The following TEC variants were observed in gnomAD, a reference collection of about 807,000 sequenced individuals.
The protein encoded by TEC is tyrosine-protein kinase Tec.
Under a neutral mutation model 93.0 loss-of-function variants are expected in TEC, and 72 were observed. The ratio of observed to expected loss-of-function variants is 0.77; its 90% confidence interval spans 0.64 to 0.94. The LOEUF is 0.94. Ranked by LOEUF, TEC falls within the 40% of genes least tolerant of loss-of-function variation. The pLI is 0.00. For synonymous variants in TEC, 249 were observed against 247.7 expected (o/e 1.01, Z -0.05); for missense variants, 630 against 757.9 (o/e 0.83, Z 1.98).
chr4:48,176,185 T>C lies in TEC; in HGVS notation c.140A>G (p.Lys47Arg). The C allele has an allele frequency of 6.2e-7, 1 of 1,605,928 alleles. No individual in the cohort carries two copies. Among genetic ancestry groups the C allele is most frequent in the African/African-American group, 1.3e-5 (1 of 74,882 alleles). ...ATCAATAAACCCCTTTCTGTATTTC[T>C]TCTGTTAAAAGAAAAAAAGGAGAAA... is the stretch of plus-strand genomic sequence containing the variant. The part of the protein sequence containing the change: ...MLTYYEGRAE[K>R]KYRKGFIDVS... Residue 47 changes from lysine (K) to arginine (R), a missense_variant and splice_region_variant, in exon 3 of 18, where the codon AAG (lysine) becomes AGG (arginine). Lys to Arg is a conservative substitution (Grantham distance 26). Coordinates refer to ENST00000381501, the MANE Select transcript of TEC (RefSeq NM_003215.3).
intron 2 of TEC, among the ~76,000 whole-genome samples, chr4:48,214,413 A>C (rs1398708479): frequency 6.6e-6 from 1 of 152,212 alleles, no homozygotes; most frequent in African/African-American, 2.4e-5. Context: ...TAGGAAAGTG[A>C]CAAGCACAGA....
At chr4:48,229,658 C>T (rs1723588715) in intron 1 of TEC, among the ~76,000 whole-genome samples, 2 of 152,180 alleles carry the variant, frequency 1.3e-5, no homozygotes, top group South Asian at 2.1e-4. Context: ...TGCCTGTAAT[C>T]CCAGCTACTC....
At chr4:48,268,998 G>GA (rs2109685053) in intron 1 of TEC, among the ~76,000 whole-genome samples, 1 of 151,662 alleles carries the variant, frequency 6.6e-6, no homozygotes, top group Admixed American at 6.6e-5. Flanking sequence ...AGAAAATTAG[G>GA]AAAGTGTACA....
chr4:48,142,863 T>C (rs1226039010), intron 14 of TEC, among the ~76,000 whole-genome samples: 1 of 151,770 alleles, frequency 6.6e-6, no homozygotes, highest in Non-Finnish European at 1.5e-5. Flanking sequence ...TTTGTATTTT[T>C]AGTAGAGACA....
At position 48,255,213 on chromosome 4, in the gene TEC, G is replaced by A. The variant is rs1344858967; in HGVS notation, c.-46+14539C>T. ...CGTGCAGTGCTGCTTCTCACTGCAC[G>A]GTCCCATTCTCTTGTATTGCGGCTT... On this transcript the variant is annotated intron_variant, in intron 1 of 17. Coordinates refer to ENST00000381501, the MANE Select transcript of TEC (RefSeq NM_003215.3). Among the ~76,000 whole-genome samples, 5 of 152,088 alleles carry A rather than the reference G, an allele frequency of 3.3e-5. No homozygotes were observed. The East Asian group carries it at 5.8e-4, about 18-fold the overall frequency.
intron 1 of TEC, among the ~76,000 whole-genome samples, chr4:48,259,058 G>A (rs1268176506): frequency 6.6e-6 from 1 of 151,996 alleles, no homozygotes; most frequent in Non-Finnish European, 1.5e-5. Context: ...CTATAAAATG[G>A]GCATAATATA....
chr4:48,225,835 C>T (rs1231352067), intron 2 of TEC, among the ~76,000 whole-genome samples: 2 of 151,534 alleles, frequency 1.3e-5, no homozygotes, highest in Non-Finnish European at 2.9e-5. Flanking sequence ...AGAGAAGAAA[C>T]CAGAAGGGAT....
chr4:48,168,097 G>A, intron 6 of TEC, 144 bp from the exon 7 acceptor site: 1 of 716,772 alleles, frequency 1.4e-6, no homozygotes. Flanking sequence ...CTCTCATGAA[G>A]AAGAGTATTA....
chr4:48,220,531 G>T (rs184914340), intron 2 of TEC, among the ~76,000 whole-genome samples: 16 of 152,078 alleles, frequency 1.1e-4, no homozygotes, highest in Admixed American at 7.2e-4. Context: ...AATACACCAG[G>T]TCCCCTTTGC....
At chr4:48,177,692 C>T (rs1721385782) in intron 2 of TEC, among the ~76,000 whole-genome samples, 1 of 152,158 alleles carries the variant, frequency 6.6e-6, no homozygotes, top group Admixed American at 6.5e-5. Context: ...TGTGTCCCCA[C>T]CCAAATCTCA....
intron 2 of TEC, among the ~76,000 whole-genome samples, chr4:48,188,695 A>G (rs777008711): frequency 6.6e-6 from 1 of 152,216 alleles, no homozygotes; most frequent in Non-Finnish European, 1.5e-5. Flanking sequence ...AAGTACTTTC[A>G]TTTATATTTG....
intron 14 of TEC, 145 bp from the exon 15 acceptor site, chr4:48,141,564 C>A: frequency 1.4e-6 from 1 of 695,516 alleles, no homozygotes; most frequent in Non-Finnish European, 2.3e-6. Flanking sequence ...TTGTTTTTAC[C>A]CCTATGGAAG....
intron 2 of TEC, among the ~76,000 whole-genome samples, chr4:48,196,254 GGCTAAGAACCA>G (rs1722298821): frequency 6.6e-6 from 1 of 152,056 alleles, no homozygotes. Context: ...GATCTCCCTG[GGCTAAGAACCA>G]GCAGGCCTCT....
chr4:48,166,133 T>C (rs542014817), intron 7 of TEC, among the ~76,000 whole-genome samples: 2 of 152,332 alleles, frequency 1.3e-5, no homozygotes, highest in South Asian at 4.1e-4. Flanking sequence ...GTGGCCATGA[T>C]GCGGGGTAGC....
chr4:48,236,146 C>T (rs1004815497), intron 1 of TEC, among the ~76,000 whole-genome samples: 46 of 152,086 alleles, frequency 3.0e-4, no homozygotes, highest in African/African-American at 1.1e-3. Context: ...ACTCTTAATA[C>T]GAAAATTGAA....
intron 1 of TEC, among the ~76,000 whole-genome samples, chr4:48,262,001 T>C (rs1419163193): frequency 6.6e-6 from 1 of 151,996 alleles, no homozygotes; most frequent in Non-Finnish European, 1.5e-5. Context: ...AAAATAATGA[T>C]AATAATGTAT....
intron 9 of TEC, among the ~76,000 whole-genome samples, chr4:48,152,625 G>A (rs1462245515): frequency 2.6e-5 from 4 of 152,096 alleles, no homozygotes; most frequent in Non-Finnish European, 5.9e-5. Context: ...AATGAGAACA[G>A]AAAGACTGGC....
At chr4:48,254,269 GAC>G (rs1055008586) in intron 1 of TEC, among the ~76,000 whole-genome samples, 5 of 152,204 alleles carry the variant, frequency 3.3e-5, no homozygotes, top group African/African-American at 1.2e-4. Flanking sequence ...CAAAAGGAGA[GAC>G]CAGGAGGGTA....
chr4:48,178,880 C>T (rs962186625), intron 2 of TEC, among the ~76,000 whole-genome samples: 2 of 152,152 alleles, frequency 1.3e-5, no homozygotes, highest in African/African-American at 2.4e-5. Context: ...CATTTCTTTA[C>T]CACCCACTCC....
Sources: allele counts gnomAD v4.1 joint callset (sites outside exome capture counted in the v4.1 genomes callset), GRCh38; gene constraint gnomAD v4.1.1; transcripts MANE v1.5; gene names NCBI Gene and HGNC (gene_info 2026-07-23, HGNC 2026-07-21).